RAD51B: variants seen among roughly 807,000 people sequenced by gnomAD.
RAD51B encodes DNA repair protein RAD51 homolog 2.
Under a neutral mutation model 42.2 loss-of-function variants are expected in RAD51B, and 38 were observed. That is an observed-to-expected ratio of 0.90 (90% confidence interval 0.70 to 1.18). The LOEUF is 1.18. Ranked by LOEUF, RAD51B falls within the 50% of genes most tolerant of loss-of-function variation. The probability of loss-of-function intolerance (pLI) is 0.00; values close to 1 mark genes in which losing one functional copy is unlikely to be tolerated. For synonymous variants in RAD51B, 154 were observed against 145.2 expected (o/e 1.06, Z -0.43); for missense variants, 373 against 400.7 (o/e 0.93, Z 0.59).
chr14:68,424,381 G>T (rs1483183770), intron 9 of RAD51B, among the ~76,000 whole-genome samples: 1 of 152,088 alleles, frequency 6.6e-6, no homozygotes, highest in African/African-American at 2.4e-5. Context: ...TTTGTTTTTG[G>T]TTTTGGTTTG....
At chr14:68,578,301 C>T (rs1367898855) in intron 10 of RAD51B, among the ~76,000 whole-genome samples, 1 of 152,068 alleles carries the variant, frequency 6.6e-6, no homozygotes, top group Admixed American at 6.6e-5. Flanking sequence ...ATCCCAGCTA[C>T]TCGGGAGGCT....
At chr14:68,201,839 A>G (rs1017122263) in intron 7 of RAD51B, among the ~76,000 whole-genome samples, 2 of 152,232 alleles carry the variant, frequency 1.3e-5, no homozygotes, top group African/African-American at 4.8e-5. Context: ...ATAAAAAGGC[A>G]TTTAAGATAT....
chr14:67,860,214 G>A (rs1025545331), intron 4 of RAD51B, among the ~76,000 whole-genome samples: 1 of 152,196 alleles, frequency 6.6e-6, no homozygotes, highest in East Asian at 1.9e-4. Context: ...ATTATTTAAT[G>A]TGAGAGGATG....
At chr14:68,147,596 C>G (rs2078278876) in intron 7 of RAD51B, among the ~76,000 whole-genome samples, 1 of 152,142 alleles carries the variant, frequency 6.6e-6, no homozygotes, top group African/African-American at 2.4e-5. Context: ...TGATATCTAT[C>G]TCTATAATGC....
chr14:68,373,768 C>A (rs901301574), intron 8 of RAD51B, among the ~76,000 whole-genome samples: 7 of 152,140 alleles, frequency 4.6e-5, no homozygotes, highest in African/African-American at 1.7e-4. Flanking sequence ...ACGTGTATCC[C>A]ATAACTTAAA....
At chr14:68,560,460 G>A (rs568126509) in intron 10 of RAD51B, among the ~76,000 whole-genome samples, 33 of 152,296 alleles carry the variant, frequency 2.2e-4, no homozygotes, top group African/African-American at 7.5e-4. Context: ...TCAGAGCTGG[G>A]CGCGGTGGCT....
At chr14:68,523,211 G>A (rs991289237) in intron 10 of RAD51B, among the ~76,000 whole-genome samples, 11 of 152,166 alleles carry the variant, frequency 7.2e-5, no homozygotes, top group Admixed American at 3.9e-4. Flanking sequence ...AGTAGAAAGC[G>A]GATACCAGGC....
chr14:68,167,717 T>G (rs2078782547), intron 7 of RAD51B, among the ~76,000 whole-genome samples: 1 of 152,128 alleles, frequency 6.6e-6, no homozygotes, highest in Admixed American at 6.5e-5. Context: ...AATACTCCTG[T>G]AACCACTATA....
chr14:68,613,987 C>G (rs1271811285), downstream of RAD51B, among the ~76,000 whole-genome samples: 1 of 152,162 alleles, frequency 6.6e-6, no homozygotes. Flanking sequence ...TGTGAACATG[C>G]TTTTTTATAA....
chr14:68,332,830 A>G (rs1432209395), intron 8 of RAD51B, among the ~76,000 whole-genome samples: 1 of 152,348 alleles, frequency 6.6e-6, no homozygotes, highest in Admixed American at 6.5e-5. Context: ...CGGAGAAGAA[A>G]CATCTTTAAA....
At chr14:68,422,350 C>A (rs1376212199) in intron 9 of RAD51B, among the ~76,000 whole-genome samples, 1 of 151,906 alleles carries the variant, frequency 6.6e-6, no homozygotes, top group African/African-American at 2.4e-5. Context: ...ATCACGAGGT[C>A]AGGAGTTTGA....
chr14:68,071,474 T>C (rs770766965), intron 7 of RAD51B, among the ~76,000 whole-genome samples: 1 of 152,154 alleles, frequency 6.6e-6, no homozygotes, highest in Non-Finnish European at 1.5e-5. Flanking sequence ...CAAAAGGATG[T>C]TGAGTTTTAT....
At chr14:68,557,300 G>A (rs567264270) in intron 10 of RAD51B, among the ~76,000 whole-genome samples, 6 of 152,178 alleles carry the variant, frequency 3.9e-5, no homozygotes, top group Admixed American at 1.3e-4. Context: ...CTCGCCTACC[G>A]TACACATGCT....
rs752180767 is a variant in RAD51B at position 68,602,506 on chromosome 14, CTAGA to C, written c.1037-8492_1037-8489del. Among the ~76,000 whole-genome samples the C allele has an allele frequency of 7.6e-3, 1,137 of 149,010 alleles. 14 individuals carry two copies. Among genetic ancestry groups the C allele is most frequent in the East Asian group, 0.047 (236 of 5,028 alleles). On this transcript the variant is annotated intron_variant, in intron 10 of 10. Coordinates refer to the RAD51B transcript ENST00000487861. Reference sequence around the variant, plus strand: ...GGATGGATGATGGATGGATGGATAGCTAGATAGATAGCTAGCTAGATAGATAGAT... The same window carrying C: ...GGATGGATGATGGATGGATGGATAGCTAGATAGCTAGCTAGATAGATAGAT...
intron 3 of RAD51B, among the ~76,000 whole-genome samples, chr14:67,826,007 G>A (rs969260747): frequency 6.6e-6 from 1 of 152,150 alleles, no homozygotes; most frequent in Non-Finnish European, 1.5e-5. Context: ...TGGGATTACA[G>A]GCGTGAGCCA....
At chr14:68,418,857 A>C (rs771239880) in intron 9 of RAD51B, among the ~76,000 whole-genome samples, 49 of 152,214 alleles carry the variant, frequency 3.2e-4, no homozygotes, top group Non-Finnish European at 6.0e-4. Context: ...AAAGGAAAGA[A>C]GGGTTCAATA....
rs1204688765 is a variant in RAD51B, at chr14:68,421,460, T to G, written c.957+9933T>G. Among the ~76,000 whole-genome samples, 3 of 152,146 alleles carry G rather than the reference T, an allele frequency of 2.0e-5. No individual in the cohort carries two copies. The East Asian group carries it at 5.8e-4, about 29-fold the overall frequency. ...GTGCAATGAGTGGAGTGGGGGGACC[T>G]CAGGCCCTTCCAAATTCTTTCTTTT... On this transcript the variant is annotated intron_variant, in intron 9 of 10. Transcript: ENST00000471583.
chr14:68,506,840 G>A (rs529699472), intron 10 of RAD51B, among the ~76,000 whole-genome samples: 26 of 152,246 alleles, frequency 1.7e-4, no homozygotes, highest in South Asian at 1.2e-3. Context: ...CATGGTAGGC[G>A]CCCACACTCA....
chr14:67,982,901 C>T (rs1201414578), intron 7 of RAD51B, among the ~76,000 whole-genome samples: 1 of 151,900 alleles, frequency 6.6e-6, no homozygotes, highest in African/African-American at 2.4e-5. Context: ...CGAATATCTA[C>T]AAAAATTTAA....
Sources: allele counts gnomAD v4.1 joint callset (sites outside exome capture counted in the v4.1 genomes callset), GRCh38; gene constraint gnomAD v4.1.1; transcripts MANE v1.5; gene names NCBI Gene and HGNC (gene_info 2026-07-23, HGNC 2026-07-21).